Variants in EIF4G3 observed in about 807,000 individuals in gnomAD.
The protein encoded by EIF4G3 is eIF-4-gamma 3.
EIF4G3 carries 34 observed loss-of-function variants against 186.4 expected under a neutral mutation model. The ratio of observed to expected loss-of-function variants is 0.18; its 90% CI spans 0.14 to 0.24. The LOEUF is 0.24. Among genes scored for constraint, EIF4G3 ranks in the 10% least tolerant of loss-of-function variants. The pLI, the probability that EIF4G3 is intolerant of heterozygous loss-of-function variation, is 1.00. For synonymous variants in EIF4G3, 673 were observed against 679.5 expected (o/e 0.99, Z 0.15); for missense variants, 1,536 against 1,948.5 (o/e 0.79, Z 3.99).
intron 2 of EIF4G3, among the ~76,000 whole-genome samples, chr1:21,161,836 C>T (rs1449383128): frequency 1.3e-5 from 2 of 151,170 alleles, no homozygotes; most frequent in Non-Finnish European, 3.0e-5. Context: ...AGCATGGTGG[C>T]GAGTGCCTGT....
rs66576703 is a variant in EIF4G3, at chr1:21,058,719, CTTTTTTTTTTTTTTT to C, written c.-195-7740_-195-7726del. On this transcript the variant is annotated intron_variant, in intron 3 of 36. Coordinates refer to ENST00000602326, the MANE Select transcript of EIF4G3 (RefSeq NM_001391906.1). ...TTTTCTTCTTCTTCTCTCTCTCTCTCTTTTTTTTTTTTTTTTTTTTTTTTTTTTTTGTAGAGACAA... is the reference window on the plus strand; with the variant it reads ...TTTTCTTCTTCTTCTCTCTCTCTCTCTTTTTTTTTTTTTTTGTAGAGACAA... Among the ~76,000 whole-genome samples the C allele has an allele frequency of 6.3e-3, 513 of 82,030 alleles. 3 individuals carry two copies. The highest frequency in any genetic ancestry group is 0.026 in the African/African-American group (488 of 18,742). 53.8% of individuals were successfully genotyped at this position (82,030 alleles called of 152,430 possible). A position where few individuals can be genotyped will look rare whatever the true frequency, so the allele number is the denominator to read the frequency against.
chr1:21,153,262 TAGAC>T (rs1018775274), intron 2 of EIF4G3, among the ~76,000 whole-genome samples: 12 of 152,166 alleles, frequency 7.9e-5, no homozygotes, highest in East Asian at 1.9e-4. Context: ...CAAAGACTCT[TAGAC>T]AGACAAAAGT....
At chr1:20,899,658 G>A in intron 16 of EIF4G3, 39 bp downstream of exon 16, 2 of 1,608,874 alleles carry the variant, frequency 1.2e-6, no homozygotes, top group Non-Finnish European at 1.7e-6. Context: ...TTGCAGTAGA[G>A]GGATAAAGAG....
At chr1:20,988,625 G>C (rs541968087) in intron 7 of EIF4G3, among the ~76,000 whole-genome samples, 4 of 152,196 alleles carry the variant, frequency 2.6e-5, no homozygotes, top group African/African-American at 9.6e-5. Context: ...GGCCATTGTA[G>C]AGAGCTTAGA....
chr1:20,849,057 A>G (rs2072326760), intron 29 of EIF4G3, among the ~76,000 whole-genome samples: 1 of 149,724 alleles, frequency 6.7e-6, no homozygotes, highest in Non-Finnish European at 1.5e-5. Flanking sequence ...AAAAAAAAAA[A>G]AAAAAAAAAA....
rs1441774454 is a variant in EIF4G3, at chr1:20,870,831, C to T, written c.2623-5569G>A. Among the ~76,000 whole-genome samples, 3 of 152,130 alleles carry T rather than the reference C, an allele frequency of 2.0e-5. No individual in the cohort carries two copies. The East Asian group carries it at 5.8e-4, about 29-fold the overall frequency. On this transcript the variant is annotated intron_variant, in intron 20 of 36. Coordinates refer to ENST00000602326, the MANE Select transcript of EIF4G3 (RefSeq NM_001391906.1). Reference sequence around the variant, plus strand: ...TCTCACAGGCCTCTTCAGTCATTTCCAGTTGAACTAGCAGAAGCAGCAAAA... The same window carrying T: ...TCTCACAGGCCTCTTCAGTCATTTCTAGTTGAACTAGCAGAAGCAGCAAAA...
chr1:21,039,537 C>T (rs1207570400), intron 4 of EIF4G3, among the ~76,000 whole-genome samples: 2 of 152,126 alleles, frequency 1.3e-5, no homozygotes, highest in Admixed American at 6.5e-5. Flanking sequence ...GTGGCACATG[C>T]CTGTCGTCCC....
intron 3 of EIF4G3, among the ~76,000 whole-genome samples, chr1:21,078,683 T>C (rs2095663998): frequency 6.6e-6 from 1 of 152,192 alleles, no homozygotes; most frequent in Admixed American, 6.5e-5. Context: ...ATTACTTGCA[T>C]GCATCAAAAT....
At chr1:20,821,060 C>T (rs1356056891) in intron 33 of EIF4G3, among the ~76,000 whole-genome samples, 2 of 152,182 alleles carry the variant, frequency 1.3e-5, no homozygotes, top group African/African-American at 4.8e-5. Flanking sequence ...GAAAAGAACT[C>T]GGGCAAAGGT....
chr1:21,012,151 T>C (rs1361565901), intron 4 of EIF4G3, among the ~76,000 whole-genome samples: 1 of 152,178 alleles, frequency 6.6e-6, no homozygotes, highest in Non-Finnish European at 1.5e-5. Flanking sequence ...ATTTACATTA[T>C]CCATCCTTAA....
chr1:21,073,519 A>G, intron 3 of EIF4G3: 1 of 335,362 alleles, frequency 3.0e-6, no homozygotes, highest in South Asian at 2.4e-5. Flanking sequence ...CTTCCTCTTC[A>G]TCCATGAACA....
intron 3 of EIF4G3, among the ~76,000 whole-genome samples, chr1:21,069,552 T>G (rs988916190): frequency 2.0e-5 from 3 of 152,220 alleles, no homozygotes; most frequent in Admixed American, 2.0e-4. Flanking sequence ...TATCTCAATA[T>G]TCTTAAAAGC....
At chr1:21,031,935 C>T (rs2092780386) in intron 4 of EIF4G3, among the ~76,000 whole-genome samples, 1 of 152,204 alleles carries the variant, frequency 6.6e-6, no homozygotes, top group Non-Finnish European at 1.5e-5. Context: ...TTACATCTAA[C>T]ATACAGTATG....
intron 19 of EIF4G3, among the ~76,000 whole-genome samples, chr1:20,885,976 C>T (rs1304977905): frequency 6.6e-6 from 1 of 152,006 alleles, no homozygotes; most frequent in African/African-American, 2.4e-5. Context: ...ACACATGAAC[C>T]CTCTAGACCT....
chr1:21,007,038 A>G (rs1349343702), intron 4 of EIF4G3, among the ~76,000 whole-genome samples: 1 of 152,212 alleles, frequency 6.6e-6, no homozygotes, highest in Non-Finnish European at 1.5e-5. Flanking sequence ...ATTAAACTCA[A>G]TATTGTACAC....
intron 3 of EIF4G3, among the ~76,000 whole-genome samples, chr1:21,059,533 C>A (rs2094772887): frequency 1.3e-5 from 2 of 151,824 alleles, no homozygotes; most frequent in Admixed American, 1.3e-4. Context: ...CATTGCCAAT[C>A]CCCAACCACC....
chr1:21,111,125 A>G (rs921062034), intron 2 of EIF4G3, among the ~76,000 whole-genome samples: 1 of 152,224 alleles, frequency 6.6e-6, no homozygotes, highest in Non-Finnish European at 1.5e-5. Context: ...TGAAAATTTA[A>G]TTACATGGGC....
chr1:21,138,132 C>T (rs1452449037), intron 2 of EIF4G3, among the ~76,000 whole-genome samples: 2 of 152,162 alleles, frequency 1.3e-5, no homozygotes, highest in Non-Finnish European at 2.9e-5. Flanking sequence ...CAGACCACAA[C>T]ATCAAACGTA....
chr1:20,852,984 A>T (rs12091769), intron 27 of EIF4G3, among the ~76,000 whole-genome samples: 3,380 of 148,080 alleles, frequency 0.023, 115 homozygotes, highest in African/African-American at 0.077. Context: ...AATAATAATT[A>T]AAAAAAAAAA....
Sources: allele counts gnomAD v4.1 joint callset (sites outside exome capture counted in the v4.1 genomes callset), GRCh38; gene constraint gnomAD v4.1.1; transcripts MANE v1.5; gene names NCBI Gene and HGNC (gene_info 2026-07-23, HGNC 2026-07-21).